Variants in KHDRBS2 observed in about 807,000 individuals in gnomAD.
KHDRBS2 encodes KH RNA binding domain containing, signal transduction associated 2.
In KHDRBS2, 26 loss-of-function variants were observed where a neutral mutation model predicts 44.3. The ratio of observed to expected loss-of-function variants is 0.59; its 90% CI spans 0.43 to 0.81. The LOEUF (loss-of-function observed/expected upper bound fraction) is 0.81. Ranked by LOEUF, KHDRBS2 falls within the 40% of genes least tolerant of loss-of-function variation. The pLI is 0.00. For missense variants in KHDRBS2, 476 were observed against 433.1 expected (o/e 1.10, Z -0.88); for synonymous variants, 194 against 151.1 (o/e 1.28, Z -2.08).
At chr6:62,108,490 C>T (rs1804096311) in intron 2 of KHDRBS2, among the ~76,000 whole-genome samples, 1 of 152,148 alleles carries the variant, frequency 6.6e-6, no homozygotes, top group South Asian at 2.1e-4. Flanking sequence ...CACTTTTACA[C>T]TGTTGGTGGG....
At chr6:61,562,537 T>C in the KHDRBS2 span, among the ~76,000 whole-genome samples, 1 of 152,312 alleles carries the variant, frequency 6.6e-6, no homozygotes, top group South Asian at 2.1e-4. Flanking sequence ...GTAAGTACTT[T>C]ATTCTCTCTT....
chr6:62,117,512 G>T (rs1274894292), intron 2 of KHDRBS2, among the ~76,000 whole-genome samples: 4 of 151,946 alleles, frequency 2.6e-5, no homozygotes, highest in African/African-American at 9.7e-5. Flanking sequence ...TTATTTTCTT[G>T]CTGGATGAAT....
At chr6:61,555,139 C>T in the KHDRBS2 span, among the ~76,000 whole-genome samples, 2 of 152,244 alleles carry the variant, frequency 1.3e-5, no homozygotes, top group African/African-American at 4.8e-5. Context: ...TTCAGGAATG[C>T]CAATGAGTCA....
chr6:61,883,626 C>A (rs193251309), intron 6 of KHDRBS2, among the ~76,000 whole-genome samples: 26 of 152,132 alleles, frequency 1.7e-4, no homozygotes, highest in African/African-American at 5.8e-4. Flanking sequence ...AAGGTGACAT[C>A]TTACATAACT....
chr6:61,694,780 G>A (rs562655447), intron 8 of KHDRBS2, among the ~76,000 whole-genome samples: 2 of 152,204 alleles, frequency 1.3e-5, no homozygotes, highest in Admixed American at 6.5e-5. Flanking sequence ...ATTATATAAG[G>A]AACAAAATTA....
At chr6:61,729,742 T>C (rs1774148301) in intron 7 of KHDRBS2, among the ~76,000 whole-genome samples, 1 of 152,176 alleles carries the variant, frequency 6.6e-6, no homozygotes, top group Non-Finnish European at 1.5e-5. Context: ...GTATATCTTC[T>C]TTGGTGAAAT....
intron 6 of KHDRBS2, among the ~76,000 whole-genome samples, chr6:61,748,155 AATG>A (rs1157571943): frequency 6.6e-6 from 1 of 152,022 alleles, no homozygotes; most frequent in East Asian, 1.9e-4. Context: ...ATGCCCAGCT[AATG>A]ATTTGTATTT....
chr6:61,746,742 T>C (rs1380429241), intron 6 of KHDRBS2, among the ~76,000 whole-genome samples: 1 of 152,062 alleles, frequency 6.6e-6, no homozygotes, highest in Admixed American at 6.6e-5. Context: ...ATGGATTAAA[T>C]ACTTAAATGT....
chr6:61,790,842 C>T (rs77939078), intron 6 of KHDRBS2, among the ~76,000 whole-genome samples: 4,036 of 151,434 alleles, frequency 0.027, 174 homozygotes, highest in African/African-American at 0.092. Context: ...TAAACATTGG[C>T]ATTTATTATT....
intron 1 of KHDRBS2, among the ~76,000 whole-genome samples, chr6:62,210,946 A>G (rs1246266584): frequency 1.3e-5 from 2 of 152,154 alleles, no homozygotes; most frequent in African/African-American, 4.8e-5. Flanking sequence ...AATAAATACT[A>G]AAAAATGAAA....
chr6:62,093,544 T>C (rs1799890815), intron 2 of KHDRBS2, among the ~76,000 whole-genome samples: 1 of 151,950 alleles, frequency 6.6e-6, no homozygotes, highest in African/African-American at 2.4e-5. Flanking sequence ...TATTTAACAA[T>C]ACATTATTGT....
the KHDRBS2 span, among the ~76,000 whole-genome samples, chr6:61,606,233 C>G: frequency 3.0e-3 from 458 of 152,300 alleles, 4 homozygotes; most frequent in African/African-American, 0.011. Context: ...ATTGCTCACA[C>G]AAAGCCTGTT....
the KHDRBS2 span, among the ~76,000 whole-genome samples, chr6:61,665,328 T>C: frequency 6.6e-6 from 1 of 151,446 alleles, no homozygotes; most frequent in South Asian, 2.1e-4. Flanking sequence ...AATATTTAAG[T>C]GTTTTACTAC....
chr6:61,668,941 A>C, the KHDRBS2 span, among the ~76,000 whole-genome samples: 1 of 151,046 alleles, frequency 6.6e-6, no homozygotes, highest in Non-Finnish European at 1.5e-5. Flanking sequence ...TAAACAAATA[A>C]GTAACCATGA....
At chr6:61,961,420 A>AAG (rs886704994) in intron 4 of KHDRBS2, among the ~76,000 whole-genome samples, 1 of 149,508 alleles carries the variant, frequency 6.7e-6, no homozygotes, top group Non-Finnish European at 1.5e-5. Context: ...AGAAAGAAGG[A>AAG]AGAGAGAGAG....
intron 1 of KHDRBS2, among the ~76,000 whole-genome samples, chr6:62,208,500 T>C (rs1828433064): frequency 2.0e-5 from 3 of 152,216 alleles, no homozygotes; most frequent in Admixed American, 2.0e-4. Flanking sequence ...ACTGAGGTAG[T>C]TTCAGTATCT....
intron 3 of KHDRBS2, among the ~76,000 whole-genome samples, chr6:62,011,213 C>G (rs1205662539): frequency 6.6e-6 from 1 of 152,054 alleles, no homozygotes; most frequent in African/African-American, 2.4e-5. Context: ...CAAGGAGCAC[C>G]TAGAATTTGG....
chr6:61,681,304 T>C (rs1052871200), intron 8 of KHDRBS2, among the ~76,000 whole-genome samples: 7 of 151,902 alleles, frequency 4.6e-5, no homozygotes, highest in African/African-American at 1.4e-4. Context: ...TGTAAACCCC[T>C]GCCCATAAAA....
At chr6:62,030,201 T>A (rs1784094225) in intron 3 of KHDRBS2, among the ~76,000 whole-genome samples, 1 of 152,068 alleles carries the variant, frequency 6.6e-6, no homozygotes, top group Non-Finnish European at 1.5e-5. Context: ...CACTCTGGTG[T>A]ACTAGTAATA....
Sources: allele counts gnomAD v4.1 joint callset (sites outside exome capture counted in the v4.1 genomes callset), GRCh38; gene constraint gnomAD v4.1.1; transcripts MANE v1.5; gene names NCBI Gene and HGNC (gene_info 2026-07-23, HGNC 2026-07-21).